The following RGS8 variants were observed in gnomAD, a reference collection of about 807,000 sequenced individuals.
The protein encoded by RGS8 is regulator of G-protein signaling 8.
Under a neutral mutation model 21.7 loss-of-function variants are expected in RGS8, and 8 were observed. The observed-to-expected ratio is 0.37, with a 90% CI of 0.22 to 0.66. The LOEUF (loss-of-function observed/expected upper bound fraction) is 0.66, where lower values mean the gene tolerates loss of function less well. RGS8 is among the 30% of genes least tolerant of loss of function. The pLI, the probability that RGS8 is intolerant of heterozygous loss-of-function variation, is 0.59. For missense variants in RGS8, 157 were observed against 217.9 expected (o/e 0.72, Z 1.76); for synonymous variants, 80 against 83.6 (o/e 0.96, Z 0.24).
intron 1 of RGS8, among the ~76,000 whole-genome samples, chr1:182,680,261 C>A (rs1198556647): frequency 6.6e-6 from 1 of 152,152 alleles, no homozygotes; most frequent in Non-Finnish European, 1.5e-5. Flanking sequence ...ACACAAACAC[C>A]CCAAGGTCTG....
At chr1:182,722,217 GTT>G in the RGS8 span, among the ~76,000 whole-genome samples, 5 of 144,518 alleles carry the variant, frequency 3.5e-5, no homozygotes, top group African/African-American at 1.3e-4. Context: ...AGAAACAAGT[GTT>G]TTTTTTTTTT....
chr1:182,694,454 C>A, the RGS8 span, among the ~76,000 whole-genome samples: 3 of 152,108 alleles, frequency 2.0e-5, no homozygotes, highest in Middle Eastern at 3.2e-3. Flanking sequence ...TTTAAAAATT[C>A]CGATGCAGCA....
At chr1:182,671,442 A>C (rs1172586885) in intron 2 of RGS8, among the ~76,000 whole-genome samples, 4 of 152,252 alleles carry the variant, frequency 2.6e-5, no homozygotes, top group African/African-American at 9.6e-5. Context: ...TGGGGCAGAC[A>C]GGATGAGACA....
the RGS8 span, among the ~76,000 whole-genome samples, chr1:182,703,616 G>A: frequency 6.6e-6 from 1 of 152,158 alleles, no homozygotes; most frequent in Admixed American, 6.5e-5. Context: ...ACCAATATCA[G>A]CTATAACCTG....
intron 6 of RGS8, 50 bp downstream of exon 7, chr1:182,648,087 T>A: frequency 6.6e-7 from 1 of 1,518,984 alleles, no homozygotes; most frequent in Non-Finnish European, 8.9e-7. Flanking sequence ...AGGAGAGAAA[T>A]GCAAGCTAGG....
At chr1:182,740,548 GTTTTTT>G in the RGS8 span, among the ~76,000 whole-genome samples, 57 of 75,978 alleles carry the variant, frequency 7.5e-4, no homozygotes, top group East Asian at 6.5e-3. Context: ...TTGTTTGTTT[GTTTTTT>G]TTTTTTTTTT....
At chr1:182,674,249 G>A (rs752584737), upstream of RGS8, among the ~76,000 whole-genome samples, 5 of 152,186 alleles carry the variant, frequency 3.3e-5, no homozygotes, top group Admixed American at 3.3e-4. Flanking sequence ...GGCCTGAGTC[G>A]CAAGTGGAAG....
chr1:182,648,721 C>T (rs1251218031), intron 5 of RGS8, among the ~76,000 whole-genome samples: 1 of 151,884 alleles, frequency 6.6e-6, no homozygotes, highest in Admixed American at 6.5e-5. Flanking sequence ...GGCGACAGAG[C>T]GAGACTCCGT....
the RGS8 span, among the ~76,000 whole-genome samples, chr1:182,749,209 C>T: frequency 6.6e-6 from 1 of 152,146 alleles, no homozygotes; most frequent in Non-Finnish European, 1.5e-5. Flanking sequence ...GTCTTCTAGT[C>T]GTTTCATAGC....
chr1:182,709,627 T>A, the RGS8 span, among the ~76,000 whole-genome samples: 2 of 152,112 alleles, frequency 1.3e-5, no homozygotes, highest in Non-Finnish European at 2.9e-5. Flanking sequence ...TGATACTATA[T>A]CTCATCGGCA....
At chr1:182,652,402 C>A (rs993756742) in intron 5 of RGS8, among the ~76,000 whole-genome samples, 3 of 152,176 alleles carry the variant, frequency 2.0e-5, no homozygotes, top group African/African-American at 7.2e-5. Flanking sequence ...GGTCTTTGTG[C>A]GGATGAGTAG....
At chr1:182,736,607 C>G in the RGS8 span, among the ~76,000 whole-genome samples, 7 of 152,164 alleles carry the variant, frequency 4.6e-5, no homozygotes, top group African/African-American at 9.7e-5. Flanking sequence ...ATATGGAAAC[C>G]TATGTCATGG....
chr1:182,668,883 G>A (rs1664009987), intron 3 of RGS8, among the ~76,000 whole-genome samples: 1 of 152,232 alleles, frequency 6.6e-6, no homozygotes, highest in Admixed American at 6.5e-5. Context: ...TTAAGGTCCT[G>A]CTCAGGCTGC....
Position 182,654,335 on chromosome 1 carries a change from A to G in RGS8, c.194-6032T>C, listed in dbSNP as rs554133567. 4.6e-5 allele frequency among the ~76,000 whole-genome samples: 7 copies of G among 152,368 alleles called. No homozygotes were observed. The East Asian group carries it at 5.8e-4, about 13-fold the overall frequency. On this transcript the variant is annotated intron_variant, in intron 5 of 6. Coordinates refer to ENST00000483095, the Ensembl canonical transcript of RGS8. ...GAGTAGAGAGACCTAGAAAAAGTGA[A>G]AGAACTTCTTTTCCTTAAGGACAAA...
At chr1:182,745,747 T>C in the RGS8 span, among the ~76,000 whole-genome samples, 1 of 152,238 alleles carries the variant, frequency 6.6e-6, no homozygotes, top group African/African-American at 2.4e-5. Flanking sequence ...GGAATGGAAC[T>C]TTAGGGCACT....
At chr1:182,689,215 T>A (rs1315795252), upstream of RGS8, among the ~76,000 whole-genome samples, 1 of 151,608 alleles carries the variant, frequency 6.6e-6, no homozygotes, top group Non-Finnish European at 1.5e-5. Context: ...AATCTCTCCC[T>A]AACAGCATCT....
chr1:182,747,043 C>CTTTTTTT, the RGS8 span, among the ~76,000 whole-genome samples: 998 of 21,044 alleles, frequency 0.047, 429 homozygotes, highest in Non-Finnish European at 0.073. Context: ...CACTGCTGGT[C>CTTTTTTT]TTTTTTTTTT....
the RGS8 span, among the ~76,000 whole-genome samples, chr1:182,715,089 T>A: frequency 3.3e-5 from 5 of 152,352 alleles, no homozygotes; most frequent in African/African-American, 1.2e-4. Flanking sequence ...TATGGGAACA[T>A]CAGTGAGTTT....
At chr1:182,678,497 C>G (rs949611836) in intron 1 of RGS8, among the ~76,000 whole-genome samples, 3 of 152,166 alleles carry the variant, frequency 2.0e-5, no homozygotes, top group Non-Finnish European at 4.4e-5. Context: ...GGTATAACTC[C>G]TAGACATCAC....
Sources: gnomAD v4.1 joint callset for allele counts (sites outside exome capture counted in the v4.1 genomes callset) on GRCh38, gnomAD v4.1.1 for gene constraint, MANE v1.5 for transcripts, NCBI Gene and HGNC (gene_info 2026-07-23, HGNC 2026-07-21) for gene names.